Variants in TENM2 observed in about 807,000 individuals in gnomAD.
TENM2 encodes teneurin-2.
Under a neutral mutation model 245.2 loss-of-function variants are expected in TENM2, and 52 were observed. The ratio of observed to expected loss-of-function variants is 0.21; its 90% confidence interval spans 0.17 to 0.27. The LOEUF is 0.27. Ranked by LOEUF, TENM2 falls within the 10% of genes least tolerant of loss-of-function variation. TENM2 has a pLI of 1.00. For missense variants in TENM2, 3,046 were observed against 3,666.8 expected, an observed-to-expected ratio of 0.83 and a Z score of 4.37; for synonymous variants, 1,363 against 1,438.9, an observed-to-expected ratio of 0.95 and a Z score of 1.19.
At chr5:167,044,962 G>C in the TENM2 span, among the ~76,000 whole-genome samples, 1 of 152,168 alleles carries the variant, frequency 6.6e-6, no homozygotes, top group Non-Finnish European at 1.5e-5. Context: ...GCAAGGAATA[G>C]GTTTGAGGAG....
At chr5:167,548,325 T>C (rs1427084259) in intron 2 of TENM2, among the ~76,000 whole-genome samples, 3 of 152,228 alleles carry the variant, frequency 2.0e-5, no homozygotes, top group Non-Finnish European at 2.9e-5. Context: ...ACCAATTTCT[T>C]CAATTTCAGA....
intron 2 of TENM2, among the ~76,000 whole-genome samples, chr5:167,674,789 A>C (rs1756204694): frequency 6.6e-6 from 1 of 152,062 alleles, no homozygotes; most frequent in African/African-American, 2.4e-5. Context: ...AGTTAACAGA[A>C]ATGTTATCTT....
At chr5:168,200,785 A>T (rs1761870917) in intron 17 of TENM2, among the ~76,000 whole-genome samples, 3 of 152,208 alleles carry the variant, frequency 2.0e-5, no homozygotes, top group Admixed American at 2.0e-4. Context: ...TCCTACCGTT[A>T]TCAGAGTTGT....
intron 23 of TENM2, among the ~76,000 whole-genome samples, chr5:168,225,675 T>G (rs768838623): frequency 2.7e-5 from 4 of 150,326 alleles, no homozygotes; most frequent in Non-Finnish European, 4.4e-5. Context: ...GCAGGAGAAT[T>G]GCTTGAACCC....
intron 2 of TENM2, among the ~76,000 whole-genome samples, chr5:167,870,564 T>A (rs1583237033): frequency 7.0e-6 from 1 of 142,456 alleles, no homozygotes. Flanking sequence ...CATATATATA[T>A]ATATATGTGT....
chr5:167,899,705 C>A (rs551259562), intron 3 of TENM2, among the ~76,000 whole-genome samples: 37 of 152,154 alleles, frequency 2.4e-4, no homozygotes, highest in Admixed American at 1.7e-3. Flanking sequence ...CAGTAGGTGC[C>A]GGAAATCTCT....
chr5:167,218,410 C>A, the TENM2 span, among the ~76,000 whole-genome samples: 1 of 151,920 alleles, frequency 6.6e-6, no homozygotes, highest in South Asian at 2.1e-4. Context: ...CTACACTTTT[C>A]TCAGAATTAG....
At chr5:168,092,706 T>A (rs1042465452) in intron 8 of TENM2, among the ~76,000 whole-genome samples, 3 of 152,194 alleles carry the variant, frequency 2.0e-5, no homozygotes, top group African/African-American at 7.2e-5. Flanking sequence ...TTGAGATTTT[T>A]AAAAATCTTT....
At chr5:167,777,125 C>CT (rs548598632) in intron 2 of TENM2, among the ~76,000 whole-genome samples, 41 of 152,144 alleles carry the variant, frequency 2.7e-4, no homozygotes, top group Admixed American at 4.6e-4. Flanking sequence ...AAGCTGCATG[C>CT]TATGCATATG....
At chr5:167,288,595 C>A (rs971201866) in intron 1 of TENM2, among the ~76,000 whole-genome samples, 1 of 151,684 alleles carries the variant, frequency 6.6e-6, no homozygotes, top group Non-Finnish European at 1.5e-5. Flanking sequence ...AGAATAATGG[C>A]GAACATTTGT....
At chr5:167,174,615 A>T in the TENM2 span, among the ~76,000 whole-genome samples, 1 of 152,142 alleles carries the variant, frequency 6.6e-6, no homozygotes, top group African/African-American at 2.4e-5. Context: ...TATAATGAAC[A>T]CTTCAATCAA....
At position 167,467,556 on chromosome 5, in the gene TENM2, G is replaced by A. The variant is rs1766746348; in HGVS notation, c.502+92083G>A. Among the ~76,000 whole-genome samples, 3 of 150,456 alleles carry A rather than the reference G, an allele frequency of 2.0e-5. No homozygotes were observed. In the South Asian group the frequency reaches 6.3e-4, roughly 32 times the overall value. ...ACAGTAACCTTGTGCCATTTCAGAG[G>A]GATCTTCAAAGATGCCTTTTAAATT... is the stretch of plus-strand genomic sequence containing the variant. On this transcript the variant is annotated intron_variant, in intron 2 of 28. Coordinates refer to ENST00000518659, the Ensembl canonical transcript of TENM2.
intron 2 of TENM2, among the ~76,000 whole-genome samples, chr5:167,434,843 A>C (rs1764448261): frequency 6.6e-6 from 1 of 152,228 alleles, no homozygotes; most frequent in Non-Finnish European, 1.5e-5. Flanking sequence ...ATACACACGT[A>C]GTTCAAATTC....
exon 3 of TENM2, chr5:167,875,988 C>T (rs373360913): frequency 2.8e-5 from 43 of 1,550,328 alleles, no homozygotes; most frequent in South Asian, 2.3e-4. Flanking sequence ...TTTCCCAGGT[C>T]GTCCCATTCC....
chr5:167,299,418 A>T (rs1755172143), intron 1 of TENM2, among the ~76,000 whole-genome samples: 1 of 152,212 alleles, frequency 6.6e-6, no homozygotes. Context: ...GACTGGGGAC[A>T]TGCTGATTAA....
chr5:167,968,566 A>T (rs1486976101), intron 4 of TENM2, among the ~76,000 whole-genome samples: 1 of 152,242 alleles, frequency 6.6e-6, no homozygotes, highest in African/African-American at 2.4e-5. Context: ...CACACCAATA[A>T]TACGACCTTT....
chr5:167,344,473 G>T (rs1758342113), intron 1 of TENM2, among the ~76,000 whole-genome samples: 1 of 151,490 alleles, frequency 6.6e-6, no homozygotes, highest in Non-Finnish European at 1.5e-5. Context: ...TCTCTGCTTG[G>T]AACCAAATGT....
intron 13 of TENM2, among the ~76,000 whole-genome samples, chr5:168,182,992 G>C (rs553548979): frequency 6.6e-6 from 1 of 151,978 alleles, no homozygotes; most frequent in African/African-American, 2.4e-5. Context: ...CACCATGCCT[G>C]GCTAATTTTT....
chr5:167,445,491 G>A (rs955492164), intron 2 of TENM2, among the ~76,000 whole-genome samples: 5 of 151,912 alleles, frequency 3.3e-5, no homozygotes, highest in East Asian at 1.9e-4. Context: ...TTTCAAAGCC[G>A]CATAGCAATT....
Sources: allele counts gnomAD v4.1 joint callset (sites outside exome capture counted in the v4.1 genomes callset), GRCh38; gene constraint gnomAD v4.1.1; transcripts MANE v1.5; gene names NCBI Gene and HGNC (gene_info 2026-07-23, HGNC 2026-07-21).